The following IDE variants were observed in gnomAD, a reference collection of about 807,000 sequenced individuals.
The protein encoded by IDE is insulin-degrading enzyme.
Under a neutral mutation model 133.2 loss-of-function variants are expected in IDE, and 58 were observed. That is an observed-to-expected ratio of 0.44 (90% confidence interval 0.35 to 0.54). IDE has a LOEUF of 0.54. Ranked by LOEUF, IDE falls within the 20% of genes least tolerant of loss-of-function variation. IDE has a pLI of 0.00. For synonymous variants in IDE, 396 were observed against 421.3 expected (o/e 0.94, Z 0.73); for missense variants, 981 against 1,234.0 (o/e 0.79, Z 3.07).
At chr10:92,509,920 CCA>C in intron 6 of IDE, 128 bp downstream of exon 6, 1 of 463,730 alleles carries the variant, frequency 2.2e-6, no homozygotes, top group Non-Finnish European at 3.7e-6. Flanking sequence ...GACTCTGTTT[CCA>C]AAAAAAAAAA....
chr10:92,474,823 T>G lies in IDE; in HGVS notation c.2116+18A>C. The G allele has an allele frequency of 6.3e-7, 1 of 1,597,328 alleles. No individual in the cohort carries two copies. Among genetic ancestry groups the G allele is most frequent in the Non-Finnish European group, 8.5e-7 (1 of 1,175,268 alleles). On this transcript the variant is annotated intron_variant, in intron 17 of 24. Coordinates refer to ENST00000265986, the MANE Select transcript of IDE (RefSeq NM_004969.4). ...AAAAAAATGAAGAAAGCATTAAGCT[T>G]TAAGTAGAAAGTCTCACCATCCAGA...
At chr10:92,500,297 C>CA (rs768728745) in intron 11 of IDE, among the ~76,000 whole-genome samples, 1,566 of 93,924 alleles carry the variant, frequency 0.017, 22 homozygotes, top group African/African-American at 0.046. Context: ...AACTCCATCT[C>CA]AAAAAAAAAA....
rs561206251 is a variant in IDE, at chr10:92,567,874, G to C, written c.98+6048C>G. On this transcript the variant is annotated intron_variant, in intron 1 of 24. Transcript: ENST00000265986. ...TGTAGTCCTAGCTACAGGAGGCTGA[G>C]GTGAGAGGATCACTTGAGCCCAGGA... 2.0e-5 allele frequency among the ~76,000 whole-genome samples: 3 copies of C among 152,316 alleles called. No individual in the cohort carries two copies. In the South Asian group the frequency reaches 6.2e-4, roughly 32 times the overall value.
intron 7 of IDE, 59 bp downstream of exon 7, chr10:92,508,667 AAT>A (rs1298010283): frequency 1.3e-6 from 2 of 1,495,026 alleles, no homozygotes; most frequent in Admixed American, 3.4e-5. Flanking sequence ...TTCAGGAGAA[AAT>A]GAGAGCCAGA....
At chr10:92,487,417 A>G (rs1847067086) in intron 12 of IDE, 99 bp from the exon 13 acceptor site, 1 of 975,796 alleles carries the variant, frequency 1.0e-6, no homozygotes, top group African/African-American at 1.6e-5. Flanking sequence ...AAGTGCACAA[A>G]TGTCACACAG....
chr10:92,483,974 A>G (rs1354568475), intron 13 of IDE, among the ~76,000 whole-genome samples: 1 of 152,136 alleles, frequency 6.6e-6, no homozygotes, highest in Non-Finnish European at 1.5e-5. Flanking sequence ...CAACCACATA[A>G]CTGAACTTGG....
At chr10:92,479,695 T>C (rs1307827263) in intron 14 of IDE, 2 of 304,526 alleles carry the variant, frequency 6.6e-6, no homozygotes, top group Non-Finnish European at 1.2e-5. Context: ...CTACCCCAGA[T>C]GGTGTGGCAG....
chr10:92,557,125 G>A (rs1402464083), intron 1 of IDE, among the ~76,000 whole-genome samples: 1 of 152,088 alleles, frequency 6.6e-6, no homozygotes, highest in Non-Finnish European at 1.5e-5. Context: ...TGGAAATGCA[G>A]AGGACCCAGA....
At chr10:92,532,319 C>A (rs1353015012) in intron 3 of IDE, among the ~76,000 whole-genome samples, 1 of 151,006 alleles carries the variant, frequency 6.6e-6, no homozygotes, top group Admixed American at 6.6e-5. Flanking sequence ...AGTTTTTAGG[C>A]CAATCTTAAA....
intron 1 of IDE, among the ~76,000 whole-genome samples, chr10:92,542,067 G>A (rs1842333681): frequency 6.6e-6 from 1 of 152,156 alleles, no homozygotes; most frequent in Non-Finnish European, 1.5e-5. Context: ...TAAGGTCCAG[G>A]CATCACACTA....
intron 11 of IDE, among the ~76,000 whole-genome samples, chr10:92,495,189 T>C (rs1285577122): frequency 2.0e-5 from 3 of 147,402 alleles, no homozygotes; most frequent in South Asian, 4.3e-4. Flanking sequence ...TCGGCTTCCA[T>C]AGTAGCTAGG....
intron 14 of IDE, chr10:92,480,704 T>A (rs1247050502): frequency 6.6e-6 from 1 of 152,448 alleles, no homozygotes; most frequent in East Asian, 1.9e-4. Flanking sequence ...AAATTAAAAG[T>A]TTCACTCTAC....
chr10:92,490,458 CAT>C (rs760585892), intron 12 of IDE, 33 bp downstream of exon 12: 138 of 1,283,338 alleles, frequency 1.1e-4, no homozygotes, highest in African/African-American at 9.7e-4. Context: ...TGATTCCTCA[CAT>C]GTCAGGCTTA....
chr10:92,566,499 C>T (rs1421990634), intron 1 of IDE, among the ~76,000 whole-genome samples: 10 of 151,722 alleles, frequency 6.6e-5, no homozygotes, highest in African/African-American at 1.5e-4. Context: ...AAGTGAAATA[C>T]GCCAGGCACA....
chr10:92,536,871 C>G (rs1326046074), intron 2 of IDE, among the ~76,000 whole-genome samples: 1 of 151,756 alleles, frequency 6.6e-6, no homozygotes, highest in Non-Finnish European at 1.5e-5. Context: ...AACCCCATCT[C>G]TAATAAAAAT....
At chr10:92,540,715 A>C (rs1322118793) in intron 1 of IDE, among the ~76,000 whole-genome samples, 1 of 152,212 alleles carries the variant, frequency 6.6e-6, no homozygotes, top group Non-Finnish European at 1.5e-5. Context: ...AACTGTGTAG[A>C]GGGGAGATGA....
chr10:92,504,994 C>G, intron 10 of IDE, 97 bp from the exon 11 acceptor site: 1 of 593,638 alleles, frequency 1.7e-6, no homozygotes, highest in Non-Finnish European at 2.9e-6. Flanking sequence ...TACTGTACAC[C>G]CTTTCTCTCT....
intron 4 of IDE, among the ~76,000 whole-genome samples, chr10:92,522,252 C>T (rs1849266958): frequency 6.6e-6 from 1 of 152,140 alleles, no homozygotes; most frequent in African/African-American, 2.4e-5. Flanking sequence ...TCTATTCCTT[C>T]CTACTTCTCT....
At chr10:92,562,080 G>A (rs190635192) in intron 1 of IDE, among the ~76,000 whole-genome samples, 16 of 152,294 alleles carry the variant, frequency 1.1e-4, no homozygotes, top group Admixed American at 7.9e-4. Context: ...CAAGCTAATT[G>A]CTGCCAGGCA....
Sources: gnomAD v4.1 joint callset for allele counts (sites outside exome capture counted in the v4.1 genomes callset) on GRCh38, gnomAD v4.1.1 for gene constraint, MANE v1.5 for transcripts, NCBI Gene and HGNC (gene_info 2026-07-23, HGNC 2026-07-21) for gene names.